BBS9: variants seen among roughly 807,000 people sequenced by gnomAD.
BBS9 encodes the protein Bardet-Biedl syndrome 9.
BBS9 carries 89 observed loss-of-function variants against 117.7 expected under a neutral mutation model. That is an observed-to-expected ratio of 0.76 (90% CI 0.64 to 0.90). The LOEUF (loss-of-function observed/expected upper bound fraction) is 0.90. Among genes scored for constraint, BBS9 ranks in the 40% least tolerant of loss-of-function variants. The pLI is 0.00. For missense variants in BBS9, 982 were observed against 1,042.2 expected (o/e 0.94, Z 0.80); for synonymous variants, 379 against 370.9 (o/e 1.02, Z -0.25).
At chr7:33,529,536 C>T (rs1379493361) in intron 20 of BBS9, among the ~76,000 whole-genome samples, 1 of 152,170 alleles carries the variant, frequency 6.6e-6, no homozygotes, top group Non-Finnish European at 1.5e-5. Context: ...CCAATAACGA[C>T]AAGGGCTGTG....
chr7:33,492,720 A>G (rs1202144032), intron 19 of BBS9, among the ~76,000 whole-genome samples: 5 of 151,770 alleles, frequency 3.3e-5, no homozygotes. Flanking sequence ...CCAGGAGATC[A>G]GTTGTTGGGG....
In BBS9 at chr7:33,617,777, T is replaced by C. The variant is rs531337181; in HGVS notation, c.2522-17400T>C. 3.3e-5 allele frequency among the ~76,000 whole-genome samples: 5 copies of C among 152,168 alleles called. No individual in the cohort carries two copies. The South Asian group carries it at 8.3e-4, about 25-fold the overall frequency. On this transcript the variant is annotated intron_variant, in intron 21 of 21. Transcript: ENST00000671952. ...ACTGAAAACTTCAAGAGTGCTCCAA[T>C]TGGAGACTCAATTGAGCAGAGGAAA...
At position 33,527,542 on chromosome 7, in the gene BBS9, C is replaced by T. The variant is rs533767846; in HGVS notation, c.2299-6412C>T. On this transcript the variant is annotated intron_variant, in intron 20 of 22. Transcript: ENST00000242067. ...GCGTCCGTCACCCCTTTCTTTGACT[C>T]GGAAAGGGAACTCCCTGACCCCTTG... Among the ~76,000 whole-genome samples the T allele has an allele frequency of 6.4e-4, 97 of 152,286 alleles. 1 individual carries two copies. The highest frequency in any genetic ancestry group is 2.1e-4 in the South Asian group (1 of 4,816).
intron 9 of BBS9, among the ~76,000 whole-genome samples, chr7:33,281,573 G>A (rs1006663018): frequency 2.0e-5 from 3 of 151,416 alleles, no homozygotes; most frequent in African/African-American, 7.3e-5. Context: ...ATAGGATCTT[G>A]TTATATTGTC....
At chr7:33,451,452 A>G (rs369640862) in intron 19 of BBS9, among the ~76,000 whole-genome samples, 7 of 152,328 alleles carry the variant, frequency 4.6e-5, no homozygotes, top group African/African-American at 4.8e-5. Flanking sequence ...AGAAGAGACT[A>G]TATTTTCACC....
At chr7:33,340,810 A>C in intron 10 of BBS9, 87 bp from the exon 11 acceptor site, 1 of 1,088,836 alleles carries the variant, frequency 9.2e-7, no homozygotes. Context: ...TTTTTTTTAT[A>C]TGTGGTATAG....
intron 9 of BBS9, among the ~76,000 whole-genome samples, chr7:33,289,236 G>A (rs1803519425): frequency 6.6e-6 from 1 of 152,184 alleles, no homozygotes; most frequent in South Asian, 2.1e-4. Context: ...TTGGAGTGTG[G>A]AACTGAGGGG....
At chr7:33,350,943 C>T (rs766771561) in intron 13 of BBS9, among the ~76,000 whole-genome samples, 1 of 152,192 alleles carries the variant, frequency 6.6e-6, no homozygotes, top group Non-Finnish European at 1.5e-5. Flanking sequence ...ATCCGCCCAC[C>T]TAGGCCTCCC....
chr7:33,164,055 A>G (rs1439821355), intron 4 of BBS9, among the ~76,000 whole-genome samples: 2 of 152,212 alleles, frequency 1.3e-5, no homozygotes, highest in Non-Finnish European at 2.9e-5. Context: ...GGTTTCAAAG[A>G]ACATCTTTAT....
intron 5 of BBS9, among the ~76,000 whole-genome samples, chr7:33,199,056 A>C (rs1785398070): frequency 6.6e-6 from 1 of 151,970 alleles, no homozygotes; most frequent in Non-Finnish European, 1.5e-5. Context: ...TCTTGAATTG[A>C]TCAACACATA....
At chr7:33,629,245 G>C (rs910691369) in intron 21 of BBS9, among the ~76,000 whole-genome samples, 1 of 152,200 alleles carries the variant, frequency 6.6e-6, no homozygotes, top group Non-Finnish European at 1.5e-5. Flanking sequence ...GTGTGAATTA[G>C]GGAGTTAGTT....
intron 17 of BBS9, among the ~76,000 whole-genome samples, chr7:33,373,078 C>T (rs1414563767): frequency 6.6e-6 from 1 of 151,852 alleles, no homozygotes; most frequent in African/African-American, 2.4e-5. Flanking sequence ...TTTCAAAAAA[C>T]CAGCTCTTTG....
intron 9 of BBS9, among the ~76,000 whole-genome samples, chr7:33,326,602 G>C (rs1431632770): frequency 2.6e-5 from 4 of 151,932 alleles, no homozygotes; most frequent in Non-Finnish European, 5.9e-5. Context: ...CCGGAAGCCA[G>C]CACTTCTCTG....
At chr7:33,433,336 A>G (rs1834812086) in intron 19 of BBS9, among the ~76,000 whole-genome samples, 1 of 152,096 alleles carries the variant, frequency 6.6e-6, no homozygotes, top group Non-Finnish European at 1.5e-5. Context: ...CCAATACATC[A>G]TTGGTAGAGG....
intron 19 of BBS9, among the ~76,000 whole-genome samples, chr7:33,432,039 A>G (rs1319637440): frequency 6.6e-6 from 1 of 151,326 alleles, no homozygotes; most frequent in Non-Finnish European, 1.5e-5. Context: ...TAAGAAACTC[A>G]TTCTAGTTTG....
intron 21 of BBS9, among the ~76,000 whole-genome samples, chr7:33,551,873 G>T (rs6974597): frequency 0.61 from 92,026 of 151,936 alleles, 28,609 homozygotes; most frequent in African/African-American, 0.72. Flanking sequence ...ATTTGAGACA[G>T]ATTCCTTTTG....
intron 17 of BBS9, 143 bp downstream of exon 17, chr7:33,368,005 G>T: frequency 1.4e-6 from 1 of 729,148 alleles, no homozygotes; most frequent in East Asian, 2.7e-5. Flanking sequence ...TAAGTAGATA[G>T]GATGTGAAAG....
chr7:33,179,439 C>T (rs923694066), intron 5 of BBS9, among the ~76,000 whole-genome samples: 12 of 152,138 alleles, frequency 7.9e-5, no homozygotes, highest in Middle Eastern at 3.2e-3. Context: ...GCCTGAGCTG[C>T]GCCTTCTGTC....
chr7:33,480,759 G>A (rs1466515665), intron 19 of BBS9, among the ~76,000 whole-genome samples: 2 of 142,456 alleles, frequency 1.4e-5, no homozygotes, highest in Non-Finnish European at 3.0e-5. Flanking sequence ...GTTAGGCTTT[G>A]TGTCCCCACC....
Sources: allele counts gnomAD v4.1 joint callset (sites outside exome capture counted in the v4.1 genomes callset), GRCh38; gene constraint gnomAD v4.1.1; transcripts MANE v1.5; gene names NCBI Gene and HGNC (gene_info 2026-07-23, HGNC 2026-07-21).